Variants in CERS6 observed in about 807,000 individuals in gnomAD.
CERS6 encodes the protein ceramide synthase 6, also known as LAG1 homolog, ceramide synthase 6.
Under a neutral mutation model 56.8 loss-of-function variants are expected in CERS6, and 26 were observed. The observed-to-expected ratio is 0.46, with a 90% confidence interval of 0.34 to 0.63. The LOEUF (loss-of-function observed/expected upper bound fraction) is 0.63. Ranked by LOEUF, CERS6 falls within the 30% of genes least tolerant of loss-of-function variation. The pLI is 0.01. For missense variants in CERS6, 415 were observed against 467.5 expected (o/e 0.89, Z 1.04); for synonymous variants, 164 against 173.3 (o/e 0.95, Z 0.42).
intron 1 of CERS6, among the ~76,000 whole-genome samples, chr2:168,486,223 T>C (rs1417412093): frequency 6.6e-6 from 1 of 152,204 alleles, no homozygotes; most frequent in African/African-American, 2.4e-5. Context: ...AAGAGTTCTT[T>C]GCATATTTTG....
At chr2:168,643,926 G>T (rs1044873917) in intron 4 of CERS6, among the ~76,000 whole-genome samples, 14 of 152,108 alleles carry the variant, frequency 9.2e-5, no homozygotes, top group African/African-American at 3.4e-4. Flanking sequence ...GATATCTTTG[G>T]GTGCCATTAT....
intron 6 of CERS6, among the ~76,000 whole-genome samples, chr2:168,704,088 C>T (rs1039255886): frequency 2.6e-5 from 4 of 152,178 alleles, no homozygotes; most frequent in South Asian, 4.1e-4. Flanking sequence ...TAGTGGCTTA[C>T]GCTGGCAATC....
At chr2:168,531,401 T>C (rs1439599236) in intron 1 of CERS6, among the ~76,000 whole-genome samples, 1 of 152,218 alleles carries the variant, frequency 6.6e-6, no homozygotes, top group Non-Finnish European at 1.5e-5. Context: ...TTTTGAATGC[T>C]CTCTCTAGAG....
intron 8 of CERS6, among the ~76,000 whole-genome samples, chr2:168,760,361 C>A (rs771315718): frequency 1.3e-5 from 2 of 152,046 alleles, no homozygotes; most frequent in Non-Finnish European, 1.5e-5. Context: ...GCCAGTCTCG[C>A]GTTTCCCATG....
chr2:168,721,301 G>C lies in CERS6; in HGVS notation c.845+3323G>C, dbSNP rs145297498. Among the ~76,000 whole-genome samples, 1,075 of 151,924 alleles carry C rather than the reference G, an allele frequency of 7.1e-3. 11 individuals carry two copies. The highest frequency in any genetic ancestry group is 0.024 in the African/African-American group (1,008 of 41,426). On this transcript the variant is annotated intron_variant, in intron 8 of 9. Transcript: ENST00000305747. ...TATCAGTACTTCATTCTTTCTTATT[G>C]GTGAATAATATTTTATTGTATGGAT...
At chr2:168,509,218 C>T (rs549008367) in intron 1 of CERS6, among the ~76,000 whole-genome samples, 1 of 152,206 alleles carries the variant, frequency 6.6e-6, no homozygotes, top group African/African-American at 2.4e-5. Context: ...CATTCTTAAA[C>T]AGTATCACCC....
chr2:168,502,285 T>A (rs969072373), intron 1 of CERS6, among the ~76,000 whole-genome samples: 9 of 152,048 alleles, frequency 5.9e-5, no homozygotes, highest in African/African-American at 2.2e-4. Context: ...AACAATTTTG[T>A]TTTATTTACC....
intron 6 of CERS6, among the ~76,000 whole-genome samples, chr2:168,696,116 A>T (rs1238879907): frequency 4.6e-5 from 7 of 152,298 alleles, no homozygotes; most frequent in Non-Finnish European, 8.8e-5. Flanking sequence ...ATATTGTGTT[A>T]TTTTTGTACA....
intron 1 of CERS6, among the ~76,000 whole-genome samples, chr2:168,532,470 G>A (rs1223315642): frequency 1.3e-5 from 2 of 151,836 alleles, no homozygotes; most frequent in African/African-American, 2.4e-5. Context: ...TGCCTTGAAT[G>A]CCATCCTTTT....
At chr2:168,520,848 G>C (rs1479872311) in intron 1 of CERS6, among the ~76,000 whole-genome samples, 1 of 151,628 alleles carries the variant, frequency 6.6e-6, no homozygotes, top group African/African-American at 2.4e-5. Context: ...GACCTCAAGT[G>C]ATCTGCCGCC....
chr2:168,622,327 T>G (rs1192485001), intron 3 of CERS6, among the ~76,000 whole-genome samples: 1 of 152,244 alleles, frequency 6.6e-6, no homozygotes, highest in Non-Finnish European at 1.5e-5. Context: ...TGGGCCGCAT[T>G]CAAAGCCGTC....
intron 1 of CERS6, among the ~76,000 whole-genome samples, chr2:168,509,520 G>T (rs1694740750): frequency 6.6e-6 from 1 of 152,158 alleles, no homozygotes. Flanking sequence ...TCCTGACCCT[G>T]CCTCCATCAT....
chr2:168,485,295 A>G (rs1694256518), intron 1 of CERS6, among the ~76,000 whole-genome samples: 1 of 152,054 alleles, frequency 6.6e-6, no homozygotes, highest in South Asian at 2.1e-4. Context: ...TTTTATTAAC[A>G]TCTTTTATTA....
chr2:168,577,427 T>C (rs1319277412), intron 3 of CERS6, among the ~76,000 whole-genome samples: 1 of 152,118 alleles, frequency 6.6e-6, no homozygotes, highest in Non-Finnish European at 1.5e-5. Flanking sequence ...AGAGGTTTGT[T>C]ATAAAAGAGA....
At chr2:168,751,827 G>T (rs1430099687) in intron 8 of CERS6, among the ~76,000 whole-genome samples, 1 of 152,110 alleles carries the variant, frequency 6.6e-6, no homozygotes, top group Non-Finnish European at 1.5e-5. Flanking sequence ...CTACTGCCTT[G>T]CAGGTACCCA....
At chr2:168,724,101 T>C (rs1218276586) in intron 8 of CERS6, among the ~76,000 whole-genome samples, 1 of 152,172 alleles carries the variant, frequency 6.6e-6, no homozygotes, top group Non-Finnish European at 1.5e-5. Context: ...GTGGTGCATC[T>C]GGAGTCTGTC....
intron 1 of CERS6, among the ~76,000 whole-genome samples, chr2:168,462,260 C>A (rs1483051519): frequency 6.6e-6 from 1 of 151,942 alleles, no homozygotes; most frequent in African/African-American, 2.4e-5. Flanking sequence ...TACTGGAGTT[C>A]CAGATTGTAT....
chr2:168,650,672 A>T (rs1244430573), intron 4 of CERS6, among the ~76,000 whole-genome samples: 1 of 150,378 alleles, frequency 6.6e-6, no homozygotes, highest in African/African-American at 2.4e-5. Context: ...CTTCCGGTGA[A>T]TTTTTTTTTT....
intron 1 of CERS6, among the ~76,000 whole-genome samples, chr2:168,530,587 T>G (rs1695149157): frequency 6.6e-6 from 1 of 152,246 alleles, no homozygotes. Flanking sequence ...AGACATAATT[T>G]GTTTGAATTT....
Sources: allele counts gnomAD v4.1 joint callset (sites outside exome capture counted in the v4.1 genomes callset), GRCh38; gene constraint gnomAD v4.1.1; transcripts MANE v1.5; gene names NCBI Gene and HGNC (gene_info 2026-07-23, HGNC 2026-07-21).